Variants in KLRG1 observed in about 807,000 individuals in gnomAD.
The protein encoded by KLRG1 is killer cell lectin-like receptor subfamily G member 1.
Under a neutral mutation model 21.8 loss-of-function variants are expected in KLRG1, and 16 were observed. The observed-to-expected ratio is 0.73, with a 90% CI of 0.50 to 1.11. The LOEUF (loss-of-function observed/expected upper bound fraction) is 1.11, where lower values mean the gene tolerates loss of function less well. Among genes scored for constraint, KLRG1 ranks in the 50% most tolerant of loss-of-function variants. The pLI is 0.00. For missense variants in KLRG1, 173 were observed against 218.3 expected, an observed-to-expected ratio of 0.79 and a Z score of 1.31; for synonymous variants, 69 against 75.9, an observed-to-expected ratio of 0.91 and a Z score of 0.47.
At chr12:9,129,004 A>G in the KLRG1 span, among the ~76,000 whole-genome samples, 246 of 152,320 alleles carry the variant, frequency 1.6e-3, 4 homozygotes, top group Middle Eastern at 3.4e-3. Flanking sequence ...ATGGGGTTTC[A>G]TGAAGTGGCT....
At chr12:9,154,568 C>G in the KLRG1 span, 1 of 1,545,376 alleles carries the variant, frequency 6.5e-7, no homozygotes. Flanking sequence ...TTAAGCCTCC[C>G]AATTGCCAAG....
At chr12:9,155,768 GA>G in the KLRG1 span, 10 of 152,652 alleles carry the variant, frequency 6.6e-5, no homozygotes, top group Non-Finnish European at 1.2e-4. Flanking sequence ...CAAAATAAAT[GA>G]AGATCTCAAG....
chr12:9,082,580 A>G, the KLRG1 span, among the ~76,000 whole-genome samples: 2 of 152,234 alleles, frequency 1.3e-5, no homozygotes, highest in East Asian at 3.8e-4. Flanking sequence ...AAGAATACCT[A>G]TAAAAACCAG....
intron 1 of KLRG1, among the ~76,000 whole-genome samples, chr12:8,964,341 T>A (rs997509933): frequency 6.6e-6 from 1 of 152,054 alleles, no homozygotes; most frequent in Admixed American, 6.6e-5. Flanking sequence ...TGTAGTTGAG[T>A]GGTTTTGAGT....
intron 4 of KLRG1, 142 bp from the exon 5 acceptor site, chr12:9,009,284 C>T (rs980476318): frequency 3.9e-6 from 4 of 1,022,476 alleles, no homozygotes; most frequent in Non-Finnish European, 5.4e-6. Context: ...GGCTGATGAA[C>T]AATTTTAATT....
the KLRG1 span, among the ~76,000 whole-genome samples, chr12:9,071,500 G>A: frequency 3.9e-5 from 6 of 152,060 alleles, no homozygotes. Context: ...AGGTAAACTC[G>A]TGTCATGGGG....
chr12:9,124,732 C>T, the KLRG1 span, among the ~76,000 whole-genome samples: 4 of 152,214 alleles, frequency 2.6e-5, no homozygotes, highest in South Asian at 8.3e-4. Flanking sequence ...CCTTTCTCCT[C>T]TCCCAGAGCC....
the KLRG1 span, among the ~76,000 whole-genome samples, chr12:9,160,807 C>T: frequency 2.0e-5 from 3 of 151,510 alleles, no homozygotes; most frequent in Non-Finnish European, 2.9e-5. Flanking sequence ...CCCAGCTACT[C>T]GGGAGGCTGA....
intron 1 of KLRG1, among the ~76,000 whole-genome samples, chr12:8,991,758 C>A (rs1407393869): frequency 1.3e-5 from 2 of 152,004 alleles, no homozygotes; most frequent in African/African-American, 4.8e-5. Flanking sequence ...AGATTGTATT[C>A]AGTCTTCTCC....
chr12:9,117,585 A>C, the KLRG1 span, among the ~76,000 whole-genome samples: 1 of 152,136 alleles, frequency 6.6e-6, no homozygotes, highest in Non-Finnish European at 1.5e-5. Context: ...AGAAACACAG[A>C]TTGGTGGGAG....
the KLRG1 span, among the ~76,000 whole-genome samples, chr12:9,184,136 T>C: frequency 8.3e-4 from 127 of 152,238 alleles, 1 homozygote; most frequent in East Asian, 0.024. Flanking sequence ...TGCCAACACA[T>C]GTGTGTGTGT....
the KLRG1 span, among the ~76,000 whole-genome samples, chr12:9,143,575 G>T: frequency 2.0e-5 from 3 of 152,064 alleles, no homozygotes; most frequent in East Asian, 3.9e-4. Context: ...CACAGGGAGG[G>T]TCAGGATCTT....
the KLRG1 span, among the ~76,000 whole-genome samples, chr12:9,189,956 TCA>T: frequency 3.9e-5 from 6 of 152,022 alleles, no homozygotes; most frequent in Non-Finnish European, 5.9e-5. Flanking sequence ...TCATCTCACA[TCA>T]GTCAGAATGG....
the KLRG1 span, chr12:9,157,724 C>A: frequency 6.4e-7 from 1 of 1,562,672 alleles, no homozygotes; most frequent in Non-Finnish European, 8.8e-7. Context: ...GACAGCAAAT[C>A]TACAGTTTTC....
At chr12:8,968,765 C>T (rs1237187447) in intron 1 of KLRG1, among the ~76,000 whole-genome samples, 3 of 151,966 alleles carry the variant, frequency 2.0e-5, no homozygotes, top group Admixed American at 6.6e-5. Flanking sequence ...GTATATTTGA[C>T]CAAAACAGAA....
At chr12:9,212,964 A>G in the KLRG1 span, among the ~76,000 whole-genome samples, 1 of 152,202 alleles carries the variant, frequency 6.6e-6, no homozygotes, top group Admixed American at 6.5e-5. Flanking sequence ...ATTTTCAACA[A>G]GTAGAAATAC....
At chr12:9,170,915 C>G in the KLRG1 span, among the ~76,000 whole-genome samples, 1 of 152,168 alleles carries the variant, frequency 6.6e-6, no homozygotes, top group Non-Finnish European at 1.5e-5. This position sits in a 1 kb window ranked among gnomAD's most constrained non-coding sequence, Gnocchi z 4.6. Flanking sequence ...CTCTGCCACT[C>G]CAACCTGCTG....
At chr12:9,113,491 C>T in the KLRG1 span, 1 of 1,613,870 alleles carries the variant, frequency 6.2e-7, no homozygotes, top group South Asian at 1.1e-5. Flanking sequence ...AGGACACAGC[C>T]CTTCTCAGTG....
downstream of KLRG1, among the ~76,000 whole-genome samples, chr12:9,012,225 C>G (rs1410655973): frequency 6.6e-6 from 1 of 152,136 alleles, no homozygotes; most frequent in Non-Finnish European, 1.5e-5. Context: ...TTCCTTCCAC[C>G]TGAGGAGAGG....
Sources: allele counts gnomAD v4.1 joint callset (sites outside exome capture counted in the v4.1 genomes callset), GRCh38; gene constraint gnomAD v4.1.1; non-coding constraint Gnocchi (gnomAD v3.1); transcripts MANE v1.5; gene names NCBI Gene and HGNC (gene_info 2026-07-23, HGNC 2026-07-21).